DENND4C: variants seen among roughly 807,000 people sequenced by gnomAD.
DENND4C encodes DENN domain containing 4C, also known as DENN domain-containing protein 4C.
DENND4C carries 108 observed loss-of-function variants against 203.0 expected under a neutral mutation model. That is an observed-to-expected ratio of 0.53 (90% CI 0.46 to 0.62). The LOEUF (loss-of-function observed/expected upper bound fraction) is 0.62, where lower values mean the gene tolerates loss of function less well. Among genes scored for constraint, DENND4C ranks in the 20% least tolerant of loss-of-function variants. DENND4C has a pLI of 0.00. For synonymous variants in DENND4C, 871 were observed against 792.4 expected, an observed-to-expected ratio of 1.10 and a Z score of -1.67; for missense variants, 2,481 against 2,301.2, an observed-to-expected ratio of 1.08 and a Z score of -1.60.
chr9:19,369,766 CAA>C (rs151013945), intron 30 of DENND4C, 69 bp from the exon 31 acceptor site: 346 of 676,594 alleles, frequency 5.1e-4, no homozygotes, highest in Middle Eastern at 1.1e-3. Flanking sequence ...GATGTTGTCT[CAA>C]AAAAAAAAAA....
chr9:19,270,519 T>A (rs77963610), intron 1 of DENND4C, among the ~76,000 whole-genome samples: 2 of 152,326 alleles, frequency 1.3e-5, no homozygotes, highest in East Asian at 3.9e-4. Flanking sequence ...GTAACATAGG[T>A]TGGCATTACA....
At chr9:19,314,243 A>C (rs1035510986) in intron 10 of DENND4C, among the ~76,000 whole-genome samples, 2 of 152,130 alleles carry the variant, frequency 1.3e-5, no homozygotes, top group Admixed American at 1.3e-4. Context: ...TCACGAGGTC[A>C]GGAGATCGAG....
chr9:19,266,053 C>G (rs1015210148), intron 1 of DENND4C, among the ~76,000 whole-genome samples: 9 of 152,150 alleles, frequency 5.9e-5, no homozygotes, highest in African/African-American at 2.2e-4. Context: ...AATGGTTGAA[C>G]TAGTTTACAG....
intron 27 of DENND4C, 67 bp from the exon 28 acceptor site, chr9:19,357,898 T>C (rs1825732034): frequency 7.8e-7 from 1 of 1,279,962 alleles, no homozygotes; most frequent in Non-Finnish European, 1.1e-6. Context: ...TAGAAAATAC[T>C]CTAGCTCTAC....
In DENND4C at chr9:19,367,767, GATAA is replaced by G. The variant is rs542010855; in HGVS notation, c.5525-2064_5525-2061del. ...AAACAAGAAAAAAAAATTATGAATT[GATAA>G]ATAAAGTATGGTATATCCATACAAT... On this transcript the variant is annotated intron_variant, in intron 30 of 32. Transcript: ENST00000434457. Among the ~76,000 whole-genome samples, 39 of 152,158 alleles carry G rather than the reference GATAA, an allele frequency of 2.6e-4. 1 individual carries two copies. The South Asian group carries it at 6.9e-3, about 27-fold the overall frequency.
chr9:19,252,894 C>G (rs956157978), intron 1 of DENND4C, among the ~76,000 whole-genome samples: 2 of 152,146 alleles, frequency 1.3e-5, no homozygotes, highest in African/African-American at 4.8e-5. Context: ...AGCCGCCACA[C>G]CTGGCTAATT....
chr9:19,362,007 C>A, intron 30 of DENND4C, 44 bp downstream of exon 30: 1 of 1,234,210 alleles, frequency 8.1e-7, no homozygotes, highest in Non-Finnish European at 1.2e-6. Context: ...GGTGCAGTGG[C>A]TCGCACCTGT....
chr9:19,336,134 A>G, intron 18 of DENND4C, 136 bp from the exon 19 acceptor site: 1 of 710,754 alleles, frequency 1.4e-6, no homozygotes, highest in Non-Finnish European at 2.0e-6. Flanking sequence ...AGCATTTTTT[A>G]ATATACCTCT....
chr9:19,272,313 AG>A (rs1564106528), intron 1 of DENND4C, among the ~76,000 whole-genome samples: 2 of 151,334 alleles, frequency 1.3e-5, no homozygotes, highest in Admixed American at 1.3e-4. Context: ...CCAGCTACTC[AG>A]GAGGCTGAGG....
At chr9:19,345,483 T>G (rs2666800) in intron 22 of DENND4C, among the ~76,000 whole-genome samples, 22 of 152,146 alleles carry the variant, frequency 1.4e-4, no homozygotes, top group African/African-American at 4.1e-4. Context: ...TATTTTACTT[T>G]ACAGCAGTAA....
intron 10 of DENND4C, among the ~76,000 whole-genome samples, chr9:19,307,196 A>G (rs1588886184): frequency 6.6e-6 from 1 of 151,904 alleles, no homozygotes; most frequent in Admixed American, 6.6e-5. Flanking sequence ...CCAGGAGTTT[A>G]AGGCCAGCCC....
intron 12 of DENND4C, among the ~76,000 whole-genome samples, chr9:19,323,777 G>A (rs748507833): frequency 4.6e-5 from 7 of 152,230 alleles, no homozygotes; most frequent in Admixed American, 2.0e-4. Flanking sequence ...CTTAAAAGTT[G>A]TAGAGCTGGA....
intron 1 of DENND4C, among the ~76,000 whole-genome samples, chr9:19,252,378 A>G (rs1826847156): frequency 6.6e-6 from 1 of 152,106 alleles, no homozygotes; most frequent in South Asian, 2.1e-4. Context: ...AATTCAAGAT[A>G]AGATTTGGGT....
intron 12 of DENND4C, among the ~76,000 whole-genome samples, chr9:19,319,725 C>G (rs147425663): frequency 2.6e-5 from 4 of 151,982 alleles, no homozygotes; most frequent in African/African-American, 4.8e-5. Flanking sequence ...AGCATTTGGT[C>G]TACTAGGGGA....
At chr9:19,308,883 G>C (rs1224256017) in intron 10 of DENND4C, among the ~76,000 whole-genome samples, 4 of 152,036 alleles carry the variant, frequency 2.6e-5, no homozygotes, top group Non-Finnish European at 5.9e-5. Context: ...CCTTTGATTT[G>C]CTTCAATCTC....
chr9:19,294,594 T>C (rs1212037505), intron 5 of DENND4C, among the ~76,000 whole-genome samples: 1 of 152,142 alleles, frequency 6.6e-6, no homozygotes, highest in Non-Finnish European at 1.5e-5. Flanking sequence ...CCAATGTTTG[T>C]AGCAGGGTTA....
chr9:19,281,940 A>G (rs1399174654), intron 2 of DENND4C, among the ~76,000 whole-genome samples: 2 of 152,240 alleles, frequency 1.3e-5, no homozygotes, highest in Non-Finnish European at 2.9e-5. Context: ...TCACACCTGT[A>G]TAGGGCACTT....
At chr9:19,352,403 T>G in intron 25 of DENND4C, 87 bp from the exon 26 acceptor site, 4 of 1,336,038 alleles carry the variant, frequency 3.0e-6, no homozygotes, top group Non-Finnish European at 3.0e-6. Context: ...ATCAGTAGAA[T>G]AAAAAAAATC....
intron 5 of DENND4C, among the ~76,000 whole-genome samples, chr9:19,294,765 T>G (rs1837083569): frequency 6.6e-6 from 1 of 152,172 alleles, no homozygotes; most frequent in South Asian, 2.1e-4. Context: ...AAAACATTAT[T>G]CTAAGTGAAA....
Sources: gnomAD v4.1 joint callset for allele counts (sites outside exome capture counted in the v4.1 genomes callset) on GRCh38, gnomAD v4.1.1 for gene constraint, MANE v1.5 for transcripts, NCBI Gene and HGNC (gene_info 2026-07-23, HGNC 2026-07-21) for gene names.